Variants in GPC1 observed in about 807,000 individuals in gnomAD.
GPC1 encodes glypican-1.
Under a neutral mutation model 51.5 loss-of-function variants are expected in GPC1, and 26 were observed. The observed-to-expected ratio is 0.50, with a 90% confidence interval of 0.37 to 0.70. GPC1 has a LOEUF of 0.70. GPC1 is among the 30% of genes least tolerant of loss of function. The pLI is 0.00. For missense variants in GPC1, 775 were observed against 800.5 expected, an observed-to-expected ratio of 0.97 and a Z score of 0.38; for synonymous variants, 380 against 348.3, an observed-to-expected ratio of 1.09 and a Z score of -1.01.
At chr2:240,445,983 T>C (rs890784031) in intron 1 of GPC1, among the ~76,000 whole-genome samples, 4 of 152,252 alleles carry the variant, frequency 2.6e-5, no homozygotes, top group African/African-American at 9.6e-5. Flanking sequence ...GCTTCCTCCA[T>C]GGTCCTCTGT....
chr2:240,450,502 A>G (rs751107306), intron 1 of GPC1: 1 of 439,454 alleles, frequency 2.3e-6, no homozygotes, highest in South Asian at 1.6e-5. Flanking sequence ...CGGGACCTAC[A>G]GCTGCTGTGA....
At chr2:240,443,912 C>T (rs899682217) in intron 1 of GPC1, among the ~76,000 whole-genome samples, 18 of 152,332 alleles carry the variant, frequency 1.2e-4, no homozygotes, top group South Asian at 4.1e-4. Flanking sequence ...GAGGCCTCGC[C>T]GCCTGGGGCC....
chr2:240,458,163 T>C (rs1463306199), intron 1 of GPC1: 2 of 449,052 alleles, frequency 4.5e-6, no homozygotes, highest in Non-Finnish European at 9.5e-6. Flanking sequence ...TGCGGCAGCC[T>C]TCATCACAGT....
In GPC1 at chr2:240,462,712, C is replaced by T. The variant is rs2074227375; in HGVS notation, c.717+130C>T. 11 of 760,606 alleles carry T rather than the reference C, an allele frequency of 1.4e-5. No homozygotes were observed. The South Asian group carries it at 2.2e-4, about 15-fold the overall frequency. The allele number at this position is 760,606 out of a possible 1,614,324, so 47.1% of individuals were successfully genotyped here. A position where few individuals can be genotyped will look rare whatever the true frequency, so the allele number is the denominator to read the frequency against. On this transcript the variant is annotated intron_variant, in intron 3 of 8. Transcript: ENST00000264039. ...GGGCCAGCCTCTGACCTCAGCCCCACAGCCTCAGTCCCTCCTGCATTGGCT... is the reference window on the plus strand; with the variant it reads ...GGGCCAGCCTCTGACCTCAGCCCCATAGCCTCAGTCCCTCCTGCATTGGCT...
At position 240,463,419 on chromosome 2, in the gene GPC1, G is replaced by A. The variant is rs150681136; in HGVS notation, c.790G>A (p.Gly264Ser). 0.027 allele frequency: 43,193 copies of A among 1,612,610 alleles called. 733 individuals carry two copies. The highest frequency in any genetic ancestry group is 0.057 in the South Asian group (5,232 of 91,070). Residue 264 changes from glycine to serine, a missense_variant, in exon 4 of 9, where the codon GGC becomes AGC. Coordinates refer to ENST00000264039, the MANE Select transcript of GPC1 (RefSeq NM_002081.3). ...VYCAHCLGVP[G>S]ARPCPDYCRN... is the part of the protein sequence containing the mutation. Reference sequence around the variant, plus strand: ...CTGTGCTCACTGCCTGGGAGTCCCCGGCGCCAGGCCCTGCCCTGACTATTG... The same window carrying A: ...CTGTGCTCACTGCCTGGGAGTCCCCAGCGCCAGGCCCTGCCCTGACTATTG...
intron 1 of GPC1, among the ~76,000 whole-genome samples, chr2:240,453,650 G>A (rs1444481685): frequency 1.0e-5 from 1 of 95,496 alleles, no homozygotes; most frequent in Non-Finnish European, 2.2e-5. Context: ...CTCCCCGCCC[G>A]CCCCCTTCCC....
At chr2:240,450,004 A>C (rs2074083219) in intron 1 of GPC1, 1 of 445,632 alleles carries the variant, frequency 2.2e-6, no homozygotes, top group African/African-American at 2.0e-5. Flanking sequence ...TAATGCTGTG[A>C]GCATGGGTGT....
At position 240,436,007 on chromosome 2, in the gene GPC1, G is replaced by A. The variant is rs750409249; in HGVS notation, c.89G>A (p.Arg30Gln). The A allele has an allele frequency of 3.5e-5, 49 of 1,383,946 alleles. 1 individual carries two copies. The highest frequency in any genetic ancestry group is 4.4e-5 in the Non-Finnish European group (47 of 1,066,266). 85.7% of individuals were successfully genotyped at this position (1,383,946 alleles called of 1,614,324 possible). Residue 30 changes from arginine to glutamine, a missense_variant, in exon 1 of 9, where the codon CGG (arginine) becomes CAG (glutamine). By Grantham distance (43) the Arg-to-Gln change is conservative (BLOSUM62 1). Coordinates refer to ENST00000264039, the MANE Select transcript of GPC1 (RefSeq NM_002081.3). ...CGCGGGGACCCGGCCAGCAAGAGCC[G>A]GAGCTGCGGCGAGGTCCGCCAGATC... ...CARGDPASKS[R>Q]SCGEVRQIYG... is the part of the protein sequence containing the mutation.
In GPC1 at chr2:240,448,352, TCTGTCTGCCAGGCAGTCCGG is replaced by T. The variant is rs2074066636; in HGVS notation, c.167-10677_167-10658del. ...CCATCTCATGGGATCCTGGCATCCC[TCTGTCTGCCAGGCAGTCCGG>T]GTGTAGATAGTCCCTGCCAGGCAGT... On this transcript the variant is annotated intron_variant, in intron 1 of 8. Coordinates refer to ENST00000264039, the MANE Select transcript of GPC1 (RefSeq NM_002081.3). This position sits in a 1 kb window ranked among gnomAD's most constrained non-coding sequence, Gnocchi z 4.5. Among the ~76,000 whole-genome samples, 2 of 134,902 alleles carry T rather than the reference TCTGTCTGCCAGGCAGTCCGG, an allele frequency of 1.5e-5. No homozygotes were observed. Among genetic ancestry groups the T allele is most frequent in the Admixed American group, 7.2e-5 (1 of 13,808 alleles). The allele number at this position is 134,902 out of a possible 152,430, so 88.5% of individuals were successfully genotyped here. A position where few individuals can be genotyped will look rare whatever the true frequency, so the allele number is the denominator to read the frequency against.
chr2:240,458,809 T>C, intron 1 of GPC1: 2 of 545,576 alleles, frequency 3.7e-6, no homozygotes, highest in Non-Finnish European at 6.5e-6. Flanking sequence ...GCAGCCGTGC[T>C]CTTGTGTCAC....
rs1267662619 is a variant in GPC1, at chr2:240,435,971, T to C, written c.53T>C (p.Val18Ala). Residue 18 changes from valine (V) to alanine (A), a missense_variant, in exon 1 of 9, where the codon GTC (valine) becomes GCC (alanine). Val to Ala is a moderately conservative substitution (Grantham distance 64, BLOSUM62 0). Coordinates refer to ENST00000264039, the MANE Select transcript of GPC1 (RefSeq NM_002081.3). ...CTGCTATGTGCGGCCGCAGCGCTGGTCGCCTGCGCCCGCGGGGACCCGGCC... is the reference window on the plus strand; with the variant it reads ...CTGCTATGTGCGGCCGCAGCGCTGGCCGCCTGCGCCCGCGGGGACCCGGCC... ...WWLLCAAAAL[V>A]ACARGDPASK... The C allele has an allele frequency of 3.9e-5, 52 of 1,347,074 alleles. No homozygotes were observed. The highest frequency in any genetic ancestry group is 5.0e-5 in the Non-Finnish European group (52 of 1,047,248). 83.4% of individuals were successfully genotyped at this position (1,347,074 alleles called of 1,614,324 possible).
chr2:240,439,051 A>G (rs1365172159), intron 1 of GPC1, among the ~76,000 whole-genome samples: 6 of 152,200 alleles, frequency 3.9e-5, no homozygotes, highest in African/African-American at 1.4e-4. Flanking sequence ...GTGTCTGGGC[A>G]TAGGTGTTCC....
At chr2:240,465,291 C>T (rs2074251403) in intron 7 of GPC1, 81 bp downstream of exon 7, 17 of 1,460,430 alleles carry the variant, frequency 1.2e-5, no homozygotes, top group South Asian at 1.3e-5. Context: ...GCTGTCTGCA[C>T]GGGGCCACGT....
At chr2:240,457,436 C>A (rs1237726923) in intron 1 of GPC1, 2 of 470,738 alleles carry the variant, frequency 4.2e-6, no homozygotes. Flanking sequence ...GGAAGATCAG[C>A]AAACTCAGTC....
chr2:240,436,710 C>T (rs1434512946), intron 1 of GPC1, among the ~76,000 whole-genome samples: 1 of 152,244 alleles, frequency 6.6e-6, no homozygotes, highest in East Asian at 1.9e-4. Flanking sequence ...TATCCGCGGG[C>T]GGAACGCCGC....
At chr2:240,453,951 G>A (rs1030173073) in intron 1 of GPC1, among the ~76,000 whole-genome samples, 10 of 152,164 alleles carry the variant, frequency 6.6e-5, no homozygotes, top group Non-Finnish European at 1.0e-4. Context: ...CCTCCCACCC[G>A]GGGCAGAGGT....
At chr2:240,441,714 C>CTGG (rs1013722992) in intron 1 of GPC1, among the ~76,000 whole-genome samples, 20 of 152,236 alleles carry the variant, frequency 1.3e-4, no homozygotes, top group African/African-American at 4.6e-4. Flanking sequence ...GGGAACAGGC[C>CTGG]TGGGCAGGTG....
At chr2:240,463,174 G>A (rs1449197061) in intron 3 of GPC1, among the ~76,000 whole-genome samples, 173 bp from the exon 4 acceptor site, 3 of 152,050 alleles carry the variant, frequency 2.0e-5, no homozygotes, top group Non-Finnish European at 4.4e-5. Context: ...AATGAGGGCC[G>A]TCTGGGCTGG....
intron 1 of GPC1, chr2:240,450,187 C>G (rs936121183): frequency 3.0e-6 from 1 of 333,128 alleles, no homozygotes; most frequent in African/African-American, 2.2e-5. Flanking sequence ...GAAGCTCCAG[C>G]CCACACACCT....
Sources: gnomAD v4.1 joint callset for allele counts (sites outside exome capture counted in the v4.1 genomes callset) on GRCh38, gnomAD v4.1.1 for gene constraint, Gnocchi (gnomAD v3.1) non-coding constraint, MANE v1.5 for transcripts, NCBI Gene and HGNC (gene_info 2026-07-23, HGNC 2026-07-21) for gene names.